The following LDLRAD4 variants were observed in gnomAD, a reference collection of about 807,000 sequenced individuals.
LDLRAD4 encodes low density lipoprotein receptor class A domain containing 4.
In LDLRAD4, 5 loss-of-function variants were observed where a neutral mutation model predicts 17.0. The ratio of observed to expected loss-of-function variants is 0.29; its 90% CI spans 0.15 to 0.62. The LOEUF is 0.62. Ranked by LOEUF, LDLRAD4 falls within the 20% of genes least tolerant of loss-of-function variation. The pLI, the probability that LDLRAD4 is intolerant of heterozygous loss-of-function variation, is 0.84. For synonymous variants in LDLRAD4, 168 were observed against 171.8 expected (o/e 0.98, Z 0.17); for missense variants, 340 against 424.7 (o/e 0.80, Z 1.75).
chr18:13,353,199 A>G (rs907236132), intron 1 of LDLRAD4, among the ~76,000 whole-genome samples: 3 of 152,070 alleles, frequency 2.0e-5, no homozygotes, highest in African/African-American at 7.2e-5. Flanking sequence ...CTTTTTTAAA[A>G]TGGAAAATTA....
chr18:13,286,072 C>A (rs544469861), intron 1 of LDLRAD4, among the ~76,000 whole-genome samples: 1 of 152,330 alleles, frequency 6.6e-6, no homozygotes, highest in South Asian at 2.1e-4. Context: ...AAACTGTGTA[C>A]CCATTAAACA....
At chr18:13,642,357 G>C (rs148220095) in intron 4 of LDLRAD4, 3 of 1,014,932 alleles carry the variant, frequency 3.0e-6, no homozygotes, top group Non-Finnish European at 3.5e-6. Flanking sequence ...CGCGGACCCT[G>C]CTGACAGCCA....
intron 1 of LDLRAD4, among the ~76,000 whole-genome samples, chr18:13,230,258 C>G (rs927523877): frequency 1.3e-5 from 2 of 152,164 alleles, no homozygotes; most frequent in Non-Finnish European, 2.9e-5. Context: ...CTAGGAGCAA[C>G]ACATTTTTGC....
intron 1 of LDLRAD4, among the ~76,000 whole-genome samples, chr18:13,303,018 G>T (rs944494321): frequency 6.6e-6 from 1 of 152,220 alleles, no homozygotes; most frequent in Non-Finnish European, 1.5e-5. Flanking sequence ...AGATTTATTG[G>T]GGGTAGGCTT....
intron 3 of LDLRAD4, among the ~76,000 whole-genome samples, chr18:13,504,481 G>T (rs1298770305): frequency 6.6e-6 from 1 of 152,224 alleles, no homozygotes; most frequent in Admixed American, 6.5e-5. Context: ...AGGCTGGAGT[G>T]CAGTGGCACG....
chr18:13,649,849 G>A (rs2043171800), exon 6 of LDLRAD4: 2 of 394,568 alleles, frequency 5.1e-6, no homozygotes, highest in Non-Finnish European at 8.9e-6. Context: ...CCACGAACAT[G>A]CTCCACAGCC....
chr18:13,299,003 A>C lies in LDLRAD4; in HGVS notation c.-383+20815A>C, dbSNP rs560632676. ...AGGGAGTGCTTAACTTAGAGTCATG[A>C]TTTTACGTAGTATGTAGGCATTTAA... On this transcript the variant is annotated intron_variant, in intron 1 of 5. Transcript: ENST00000359446. Among the ~76,000 whole-genome samples the C allele has an allele frequency of 2.0e-5, 3 of 152,310 alleles. No individual in the cohort carries two copies. In the South Asian group the frequency reaches 6.2e-4, roughly 32 times the overall value.
Position 13,645,794 on chromosome 18 carries a change from T to A in LDLRAD4, c.*137T>A. On this transcript the variant is annotated 3_prime_UTR_variant, in exon 6 of 6. Transcript: ENST00000359446. This position sits in a 1 kb window ranked among gnomAD's most constrained non-coding sequence, Gnocchi z 5.7. Reference sequence around the variant, plus strand: ...CAAATGAGCAAACACGGTCTTTGTTTCTGATTCCTTTTAGGGGAATTGCAT... The same window carrying A: ...CAAATGAGCAAACACGGTCTTTGTTACTGATTCCTTTTAGGGGAATTGCAT... The A allele has an allele frequency of 1.7e-6, 1 of 577,434 alleles. No homozygotes were observed. Among genetic ancestry groups the A allele is most frequent in the Non-Finnish European group, 2.8e-6 (1 of 361,598 alleles). The allele number at this position is 577,434 out of a possible 1,614,324, so 35.8% of individuals were successfully genotyped here.
chr18:13,307,551 G>A (rs1315507080), intron 1 of LDLRAD4, among the ~76,000 whole-genome samples: 2 of 151,928 alleles, frequency 1.3e-5, no homozygotes, highest in Admixed American at 1.3e-4. Flanking sequence ...CAGGTAGCTG[G>A]GACCACAGGG....
intron 1 of LDLRAD4, among the ~76,000 whole-genome samples, chr18:13,369,549 G>T (rs141975888): frequency 5.8e-4 from 89 of 152,210 alleles, no homozygotes; most frequent in African/African-American, 2.0e-3. Context: ...AGAGTGGAAG[G>T]GAGGCAGTGT....
At chr18:13,456,938 C>T (rs985491712) in intron 3 of LDLRAD4, among the ~76,000 whole-genome samples, 36 of 152,222 alleles carry the variant, frequency 2.4e-4, no homozygotes, top group African/African-American at 8.7e-4. Context: ...TCTCAGCTCC[C>T]AGGATTTCTG....
At chr18:13,583,578 ACATAATATCAC>A (rs1315361204) in intron 3 of LDLRAD4, among the ~76,000 whole-genome samples, 3 of 152,240 alleles carry the variant, frequency 2.0e-5, no homozygotes, top group African/African-American at 7.2e-5. Context: ...ATTTAGAGGA[ACATAATATCAC>A]CACGTTCAAC....
At chr18:13,449,650 C>A (rs758062890) in intron 3 of LDLRAD4, among the ~76,000 whole-genome samples, 1 of 152,204 alleles carries the variant, frequency 6.6e-6, no homozygotes, top group Non-Finnish European at 1.5e-5. Context: ...TCTGCCATGG[C>A]GCTATCTCCT....
chr18:13,255,274 G>A (rs1179350314), intron 1 of LDLRAD4, among the ~76,000 whole-genome samples: 1 of 152,174 alleles, frequency 6.6e-6, no homozygotes, highest in African/African-American at 2.4e-5. Flanking sequence ...CCTAGGGTCT[G>A]TGCTGGGAGA....
At position 13,621,690 on chromosome 18, in the gene LDLRAD4, G is replaced by A. The variant is rs962251381; in HGVS notation, c.336+419G>A. On this transcript the variant is annotated intron_variant, in intron 4 of 5. Transcript: ENST00000359446. This position sits in a 1 kb window ranked among gnomAD's most constrained non-coding sequence, Gnocchi z 5.5. ...TGGAGGTGCTGCGGGGACAAATCAC[G>A]CGCTCATCGTCACTAAACGTGCCGG... Among the ~76,000 whole-genome samples, 4 of 152,176 alleles carry A rather than the reference G, an allele frequency of 2.6e-5. No individual in the cohort carries two copies. The highest frequency in any genetic ancestry group is 7.2e-5 in the African/African-American group (3 of 41,450).
intron 3 of LDLRAD4, among the ~76,000 whole-genome samples, chr18:13,574,819 T>C (rs913049084): frequency 1.3e-5 from 2 of 152,244 alleles, no homozygotes; most frequent in Admixed American, 1.3e-4. Flanking sequence ...TTCCAAGCTG[T>C]AGCCAAAAGG....
At chr18:13,297,297 GTTT>G (rs2046330234) in intron 1 of LDLRAD4, among the ~76,000 whole-genome samples, 3 of 152,150 alleles carry the variant, frequency 2.0e-5, no homozygotes, top group South Asian at 4.2e-4. Flanking sequence ...TCATAGCACC[GTTT>G]GGTGTTTTCT....
At chr18:13,269,681 T>C (rs1249998308) in intron 1 of LDLRAD4, among the ~76,000 whole-genome samples, 1 of 152,180 alleles carries the variant, frequency 6.6e-6, no homozygotes, top group East Asian at 1.9e-4. Context: ...GTGCTCACAC[T>C]TGGAGTCAGT....
At chr18:13,414,449 G>C (rs1031085038) in intron 2 of LDLRAD4, among the ~76,000 whole-genome samples, 2 of 152,252 alleles carry the variant, frequency 1.3e-5, no homozygotes, top group African/African-American at 4.8e-5. Flanking sequence ...GCAGGACCCA[G>C]ACACTGGAGT....
Sources: allele counts gnomAD v4.1 joint callset (sites outside exome capture counted in the v4.1 genomes callset), GRCh38; gene constraint gnomAD v4.1.1; non-coding constraint Gnocchi (gnomAD v3.1); transcripts MANE v1.5; gene names NCBI Gene and HGNC (gene_info 2026-07-23, HGNC 2026-07-21).